The following BCL2 variants were observed in gnomAD, a reference collection of about 807,000 sequenced individuals.
BCL2 encodes BCL2 apoptosis regulator.
In BCL2, 1 loss-of-function variant was observed where a neutral mutation model predicts 14.2. The observed-to-expected ratio is 0.07, with a 90% CI of 0.02 to 0.33. BCL2 has a LOEUF of 0.33. BCL2 is among the 10% of genes least tolerant of loss of function. The probability of loss-of-function intolerance (pLI) is 0.99; values close to 1 mark genes in which losing one functional copy is unlikely to be tolerated. For missense variants in BCL2, 247 were observed against 305.9 expected (o/e 0.81, Z 1.44); for synonymous variants, 151 against 137.2 (o/e 1.10, Z -0.70).
chr18:63,298,806 C>T (rs944241131), intron 2 of BCL2, among the ~76,000 whole-genome samples: 2 of 152,146 alleles, frequency 1.3e-5, no homozygotes, highest in Non-Finnish European at 2.9e-5. Context: ...GGCATGTCTA[C>T]GTGAGATAAA....
At chr18:63,156,321 A>G (rs4941185) in intron 2 of BCL2, among the ~76,000 whole-genome samples, 52,729 of 152,058 alleles carry the variant, frequency 0.35, 10,287 homozygotes, top group East Asian at 0.54. Context: ...ACTTAGATCA[A>G]TTGACATTCT....
At chr18:63,254,065 T>C (rs1207646781) in intron 2 of BCL2, among the ~76,000 whole-genome samples, 5 of 152,126 alleles carry the variant, frequency 3.3e-5, no homozygotes, top group African/African-American at 9.7e-5. Flanking sequence ...GGTCTCTACT[T>C]TCAGAAGTCA....
chr18:63,230,246 T>G (rs1397056398), intron 2 of BCL2, among the ~76,000 whole-genome samples: 1 of 152,128 alleles, frequency 6.6e-6, no homozygotes, highest in African/African-American at 2.4e-5. Flanking sequence ...TTTTGAAATT[T>G]CAGAAGCACA....
intron 2 of BCL2, among the ~76,000 whole-genome samples, chr18:63,299,172 C>T (rs539712318): frequency 1.1e-4 from 17 of 152,372 alleles, no homozygotes; most frequent in Admixed American, 1.1e-3. Flanking sequence ...TGCTTTATCA[C>T]TGTTGTGAGT....
At chr18:63,299,247 A>C (rs1029440074) in intron 2 of BCL2, among the ~76,000 whole-genome samples, 1 of 152,238 alleles carries the variant, frequency 6.6e-6, no homozygotes, top group Non-Finnish European at 1.5e-5. Flanking sequence ...CTGCCTGTGC[A>C]TTCATTCATT....
chr18:63,213,722 C>T (rs1013368257), intron 2 of BCL2, among the ~76,000 whole-genome samples: 1 of 152,132 alleles, frequency 6.6e-6, no homozygotes, highest in Non-Finnish European at 1.5e-5. Flanking sequence ...CCAGATTACC[C>T]CATTTGTTCT....
At chr18:63,139,829 T>C (rs942013235) in intron 2 of BCL2, among the ~76,000 whole-genome samples, 1 of 152,240 alleles carries the variant, frequency 6.6e-6, no homozygotes, top group African/African-American at 2.4e-5. Flanking sequence ...TGTTTTGGGC[T>C]TATGCTATTT....
chr18:63,296,911 A>G (rs1395159628), intron 2 of BCL2, among the ~76,000 whole-genome samples: 5 of 152,364 alleles, frequency 3.3e-5, no homozygotes, highest in African/African-American at 9.6e-5. Flanking sequence ...GTGCTGTCCA[A>G]TAGAAATATA....
At chr18:63,250,835 C>A (rs1911290048) in intron 2 of BCL2, among the ~76,000 whole-genome samples, 1 of 152,128 alleles carries the variant, frequency 6.6e-6, no homozygotes, top group Non-Finnish European at 1.5e-5. Flanking sequence ...CATGAATAAT[C>A]AAATTTAATA....
intron 2 of BCL2, among the ~76,000 whole-genome samples, chr18:63,259,295 T>G (rs535185520): frequency 6.6e-6 from 1 of 152,246 alleles, no homozygotes; most frequent in Non-Finnish European, 1.5e-5. Flanking sequence ...GCGGGCAGCG[T>G]GTAAGTGTCC....
intron 2 of BCL2, among the ~76,000 whole-genome samples, chr18:63,201,872 A>C (rs1909704516): frequency 6.6e-6 from 1 of 152,096 alleles, no homozygotes. Context: ...AGAAATACCT[A>C]ATGTATGTGA....
intron 2 of BCL2, among the ~76,000 whole-genome samples, chr18:63,178,354 C>G (rs946897707): frequency 9.9e-5 from 15 of 152,092 alleles, no homozygotes; most frequent in Non-Finnish European, 2.1e-4. Flanking sequence ...GAGATGGAAG[C>G]GCGTCTCAGG....
intron 2 of BCL2, among the ~76,000 whole-genome samples, chr18:63,241,987 C>T (rs1599264294): frequency 6.6e-6 from 1 of 152,182 alleles, no homozygotes; most frequent in Middle Eastern, 3.2e-3. Context: ...AGGAAATATA[C>T]AACAAACAAT....
chr18:63,166,197 A>G (rs1359484446), intron 2 of BCL2, among the ~76,000 whole-genome samples: 1 of 152,184 alleles, frequency 6.6e-6, no homozygotes, highest in Non-Finnish European at 1.5e-5. Flanking sequence ...GGCAGGAAGA[A>G]ATGTGACACC....
At chr18:63,241,821 C>G (rs1012302642) in intron 2 of BCL2, among the ~76,000 whole-genome samples, 1 of 152,190 alleles carries the variant, frequency 6.6e-6, no homozygotes, top group African/African-American at 2.4e-5. Flanking sequence ...GTGCCTCACC[C>G]GTCATTACTC....
At chr18:63,260,679 T>TA (rs1911631384) in intron 2 of BCL2, among the ~76,000 whole-genome samples, 1 of 149,660 alleles carries the variant, frequency 6.7e-6, no homozygotes, top group Admixed American at 6.8e-5. Context: ...AGAAAGGTGA[T>TA]ATCTAGCCAA....
At chr18:63,153,861 G>T (rs1914710952) in intron 2 of BCL2, among the ~76,000 whole-genome samples, 1 of 152,182 alleles carries the variant, frequency 6.6e-6, no homozygotes, top group Non-Finnish European at 1.5e-5. Context: ...GACAAACTAG[G>T]CTTCTAGAAG....
intron 2 of BCL2, among the ~76,000 whole-genome samples, chr18:63,296,334 G>A (rs1480917746): frequency 6.6e-6 from 1 of 152,092 alleles, no homozygotes; most frequent in African/African-American, 2.4e-5. Flanking sequence ...GTCTCACTCT[G>A]TCATCCAGGC....
chr18:63,136,824 AAGTAC>A (rs1429161974), intron 2 of BCL2, among the ~76,000 whole-genome samples: 1 of 152,254 alleles, frequency 6.6e-6, no homozygotes, highest in African/African-American at 2.4e-5. Context: ...GTCACAGGTG[AAGTAC>A]CAATCAAGGA....
Sources: allele counts gnomAD v4.1 joint callset (sites outside exome capture counted in the v4.1 genomes callset), GRCh38; gene constraint gnomAD v4.1.1; transcripts MANE v1.5; gene names NCBI Gene and HGNC (gene_info 2026-07-23, HGNC 2026-07-21).